The following BTBD9 variants were observed in gnomAD, a reference collection of about 807,000 sequenced individuals.
The protein encoded by BTBD9 is BTB domain containing 9, also known as BTB/POZ domain-containing protein 9.
BTBD9 carries 49 observed loss-of-function variants against 64.3 expected under a neutral mutation model. The observed-to-expected ratio is 0.76, with a 90% confidence interval of 0.61 to 0.97. The LOEUF is 0.97. Among genes scored for constraint, BTBD9 ranks in the 50% least tolerant of loss-of-function variants. The pLI, the probability that BTBD9 is intolerant of heterozygous loss-of-function variation, is 0.00. For missense variants in BTBD9, 598 were observed against 762.1 expected (o/e 0.78, Z 2.53); for synonymous variants, 260 against 274.7 (o/e 0.95, Z 0.53).
At chr6:38,306,343 T>C (rs993481406) in intron 7 of BTBD9, among the ~76,000 whole-genome samples, 1 of 152,334 alleles carries the variant, frequency 6.6e-6, no homozygotes, top group South Asian at 2.1e-4. Flanking sequence ...TGGTGTTCCT[T>C]TGCCATCCCT....
intron 1 of BTBD9, among the ~76,000 whole-genome samples, chr6:38,639,191 T>A (rs1470252736): frequency 6.6e-6 from 1 of 152,204 alleles, no homozygotes; most frequent in Non-Finnish European, 1.5e-5. Context: ...GTAACAACAA[T>A]GTACTAAAAC....
intron 9 of BTBD9, among the ~76,000 whole-genome samples, chr6:38,222,254 G>GTTT (rs771737210): frequency 0.11 from 10,754 of 96,188 alleles, 2,260 homozygotes; most frequent in East Asian, 0.13. Context: ...AATTCATTCA[G>GTTT]TTGTTTTTTT....
At chr6:38,265,786 C>T (rs1280257440) in intron 8 of BTBD9, among the ~76,000 whole-genome samples, 1 of 152,194 alleles carries the variant, frequency 6.6e-6, no homozygotes, top group African/African-American at 2.4e-5. Context: ...TCCCACAGTG[C>T]TGGGCTTACA....
chr6:38,258,222 G>A (rs1206923998), intron 8 of BTBD9, among the ~76,000 whole-genome samples: 1 of 152,014 alleles, frequency 6.6e-6, no homozygotes, highest in Non-Finnish European at 1.5e-5. Context: ...CTGACCTCAG[G>A]TGATCCACCT....
chr6:38,355,373 G>A lies in BTBD9; in HGVS notation c.1155-10280C>T, dbSNP rs142175694. Among the ~76,000 whole-genome samples the A allele has an allele frequency of 3.1e-3, 474 of 152,208 alleles. 5 individuals are homozygous for A. Among genetic ancestry groups the A allele is most frequent in the African/African-American group, 0.011 (451 of 41,524 alleles). On this transcript the variant is annotated intron_variant, in intron 6 of 10. Transcript: ENST00000481247. Reference sequence around the variant, plus strand: ...AAGCCTGTCTCCAATCCATATTTCTGGTGGATTAGCAAGCAGGTTGGGAGG... The same window carrying A: ...AAGCCTGTCTCCAATCCATATTTCTAGTGGATTAGCAAGCAGGTTGGGAGG...
chr6:38,301,838 G>T (rs1429466402), intron 7 of BTBD9, among the ~76,000 whole-genome samples: 1 of 151,982 alleles, frequency 6.6e-6, no homozygotes, highest in Non-Finnish European at 1.5e-5. Context: ...TTTTTGAAGG[G>T]TTTTTTGTGT....
chr6:38,341,596 T>C (rs1380482738), intron 7 of BTBD9, among the ~76,000 whole-genome samples: 1 of 152,246 alleles, frequency 6.6e-6, no homozygotes, highest in East Asian at 1.9e-4. Context: ...TGGCAAATAC[T>C]ATGCAAGTAT....
intron 9 of BTBD9, among the ~76,000 whole-genome samples, chr6:38,239,332 T>C (rs4714133): frequency 0.83 from 125,763 of 151,242 alleles, 52,408 homozygotes; most frequent in East Asian, 0.97. Flanking sequence ...CCCAGCTACT[T>C]GGGAGGCTGA....
At position 38,300,407 on chromosome 6, in the gene BTBD9, A is replaced by T. The variant is rs888333858; in HGVS notation, c.1265-11946T>A. Among the ~76,000 whole-genome samples, 211 of 152,234 alleles carry T rather than the reference A, an allele frequency of 1.4e-3. 5 individuals are homozygous for T. The highest frequency in any genetic ancestry group is 4.3e-4 in the Non-Finnish European group (29 of 68,010). ...CCAATTCTGTGAAGAAAGTCATTGG[A>T]AGCTTGATGGGGATGGCACTGAATC... On this transcript the variant is annotated intron_variant, in intron 7 of 10. Coordinates refer to ENST00000481247, the MANE Select transcript of BTBD9 (RefSeq NM_001099272.2).
chr6:38,449,883 G>A lies in BTBD9; in HGVS notation c.1155-104790C>T, dbSNP rs990977496. On this transcript the variant is annotated intron_variant, in intron 6 of 10. Coordinates refer to ENST00000481247, the MANE Select transcript of BTBD9 (RefSeq NM_001099272.2). ...CATTAGTCTGGGCAATGATTTCCTA[G>A]GTATGGCCTCAAAAGCATAGCCAAC... is the stretch of plus-strand genomic sequence containing the variant. 3.3e-5 allele frequency among the ~76,000 whole-genome samples: 5 copies of A among 152,176 alleles called. No individual in the cohort carries two copies. In the East Asian group the frequency reaches 9.6e-4, roughly 29 times the overall value.
intron 6 of BTBD9, among the ~76,000 whole-genome samples, chr6:38,540,350 G>T (rs974364784): frequency 1.3e-5 from 2 of 151,986 alleles, no homozygotes; most frequent in African/African-American, 4.8e-5. Context: ...CTCCATAGGG[G>T]GTCCAATTTT....
intron 6 of BTBD9, among the ~76,000 whole-genome samples, chr6:38,569,790 A>AT (rs1199622711): frequency 3.3e-5 from 5 of 151,214 alleles, no homozygotes; most frequent in South Asian, 2.1e-4. Context: ...GTTTTGGGGG[A>AT]TTTTTTTGCT....
At chr6:38,461,377 T>C (rs1036840292) in intron 6 of BTBD9, among the ~76,000 whole-genome samples, 1 of 152,240 alleles carries the variant, frequency 6.6e-6, no homozygotes, top group Admixed American at 6.5e-5. Context: ...ACATTATAGG[T>C]TATTTTGAGG....
chr6:38,539,386 C>T (rs1479178762), intron 6 of BTBD9, among the ~76,000 whole-genome samples: 1 of 152,162 alleles, frequency 6.6e-6, no homozygotes, highest in Non-Finnish European at 1.5e-5. Context: ...GGGGTTAACA[C>T]TGATTTCAAA....
rs1479543590 is a variant in BTBD9 at position 38,168,999 on chromosome 6, G to C, written c.*5986C>G. 1 of 152,310 alleles carries C rather than the reference G, an allele frequency of 6.6e-6. No homozygotes were observed. The highest frequency in any genetic ancestry group is 1.5e-5 in the Non-Finnish European group (1 of 68,132). 9.4% of individuals were successfully genotyped at this position (152,310 alleles called of 1,614,324 possible). ...TCTTCTGAGGGGGTGCAGCCTCTCT[G>C]AAGGTCACTGTGGAGGGCGCACCAA... On this transcript the variant is annotated 3_prime_UTR_variant, in exon 11 of 11. Coordinates refer to ENST00000481247, the MANE Select transcript of BTBD9 (RefSeq NM_001099272.2).
Position 38,288,415 on chromosome 6 carries a change from A to T in BTBD9, c.1311T>A (p.Ile437=). ...CATTTCGGCTCCGACTGACTCCTTC[A>T]ATCACACTGGCACAATCAGCAATTG... ...VATIADCASV[I]EGVSRSRNAL... is the part of the protein sequence containing the mutation. The change falls in exon 8 of 11, where the codon ATT becomes ATA. Residue 437 remains isoleucine (I), a synonymous_variant. Coordinates refer to ENST00000481247, the MANE Select transcript of BTBD9 (RefSeq NM_001099272.2). The T allele has an allele frequency of 6.2e-7, 1 of 1,614,094 alleles. No homozygotes were observed. Among genetic ancestry groups the T allele is most frequent in the South Asian group, 1.1e-5 (1 of 91,080 alleles).
At chr6:38,379,223 A>C (rs1194578535) in intron 6 of BTBD9, among the ~76,000 whole-genome samples, 1 of 152,204 alleles carries the variant, frequency 6.6e-6, no homozygotes, top group Non-Finnish European at 1.5e-5. Context: ...CCAGACTCCC[A>C]AAAGGCAACA....
chr6:38,407,940 C>T (rs778077090), intron 6 of BTBD9, among the ~76,000 whole-genome samples: 2 of 152,158 alleles, frequency 1.3e-5, no homozygotes, highest in African/African-American at 2.4e-5. Flanking sequence ...CAAAGGAAAG[C>T]TGTTTTTGCT....
At chr6:38,507,213 T>A (rs528698381) in intron 6 of BTBD9, among the ~76,000 whole-genome samples, 1 of 152,326 alleles carries the variant, frequency 6.6e-6, no homozygotes, top group East Asian at 1.9e-4. Context: ...TTCTAATTCT[T>A]TATTTGCTAT....
Sources: allele counts gnomAD v4.1 joint callset (sites outside exome capture counted in the v4.1 genomes callset), GRCh38; gene constraint gnomAD v4.1.1; transcripts MANE v1.5; gene names NCBI Gene and HGNC (gene_info 2026-07-23, HGNC 2026-07-21).